Variants in RELN observed in about 807,000 individuals in gnomAD.
The protein encoded by RELN is reelin.
Under a neutral mutation model 427.6 loss-of-function variants are expected in RELN, and 108 were observed. That is an observed-to-expected ratio of 0.25 (90% CI 0.22 to 0.30). The LOEUF is 0.30. Among genes scored for constraint, RELN ranks in the 10% least tolerant of loss-of-function variants. RELN has a pLI of 1.00. For missense variants in RELN, 3,715 were observed against 4,302.8 expected (o/e 0.86, Z 3.82); for synonymous variants, 1,524 against 1,513.4 (o/e 1.01, Z -0.16).
chr7:103,584,646 A>G (rs939141186), intron 28 of RELN, among the ~76,000 whole-genome samples: 11 of 151,998 alleles, frequency 7.2e-5, no homozygotes, highest in African/African-American at 2.7e-4. Flanking sequence ...ACATCACTAG[A>G]TAGATCACTG....
At chr7:103,669,070 G>A (rs1243841168) in intron 11 of RELN, among the ~76,000 whole-genome samples, 1 of 152,084 alleles carries the variant, frequency 6.6e-6, no homozygotes, top group Non-Finnish European at 1.5e-5. Flanking sequence ...AACATTGTGT[G>A]AGATATGATT....
rs571153449 is a variant in RELN, at chr7:103,651,446, A to C, written c.1892+215T>G. Among the ~76,000 whole-genome samples the C allele has an allele frequency of 2.0e-5, 3 of 152,260 alleles. No homozygotes were observed. The East Asian group carries it at 5.8e-4, about 29-fold the overall frequency. Reference sequence around the variant, plus strand: ...GCAGTCCAAAATATAAGTCAAGTACATAAAGAATGAATGGCCTTACAAATG... The same window carrying C: ...GCAGTCCAAAATATAAGTCAAGTACCTAAAGAATGAATGGCCTTACAAATG... On this transcript the variant is annotated intron_variant, in intron 15 of 64. Transcript: ENST00000428762.
chr7:103,822,611 C>T lies in RELN; in HGVS notation c.473+10926G>A, dbSNP rs577777773. 9.9e-5 allele frequency among the ~76,000 whole-genome samples: 15 copies of T among 151,260 alleles called. 1 individual carries two copies. The highest frequency in any genetic ancestry group is 3.7e-4 in the African/African-American group (15 of 40,724). The stretch of plus-strand genomic sequence containing the variant: ...ATGTATTCATTCATCTATTCAACAA[C>T]CAATGTTTAAAGAATTACTTTGGCC... On this transcript the variant is annotated intron_variant, in intron 3 of 64. Transcript: ENST00000428762.
intron 16 of RELN, among the ~76,000 whole-genome samples, chr7:103,644,967 T>A (rs1832769418): frequency 6.6e-6 from 1 of 151,714 alleles, no homozygotes; most frequent in South Asian, 2.1e-4. Flanking sequence ...GAGATTGGGA[T>A]CCTATTTTTA....
chr7:103,872,045 T>TTTTTCC (rs1794354002), intron 2 of RELN, among the ~76,000 whole-genome samples: 1 of 40,770 alleles, frequency 2.5e-5, no homozygotes, highest in Non-Finnish European at 7.8e-5. Context: ...TCTTTTTTCT[T>TTTTTCC]TTTTTTCTTT....
chr7:103,609,388 T>C (rs1262469528), intron 22 of RELN, among the ~76,000 whole-genome samples: 2 of 152,192 alleles, frequency 1.3e-5, no homozygotes, highest in African/African-American at 2.4e-5. Context: ...GTATTTCCAT[T>C]GTTTGAAGTG....
chr7:103,570,126 A>G (rs1251154244), intron 31 of RELN, among the ~76,000 whole-genome samples: 2 of 152,220 alleles, frequency 1.3e-5, no homozygotes, highest in Non-Finnish European at 2.9e-5. Context: ...AGTTTATGAA[A>G]GTGTCTCAAG....
chr7:103,574,199 G>A lies in RELN; in HGVS notation c.4404C>T (p.Ala1468=). The change falls in exon 30 of 65, where the codon GCC becomes GCT. Residue 1468 remains alanine (A), a synonymous_variant. Coordinates refer to ENST00000428762, the MANE Select transcript of RELN (RefSeq NM_005045.4). ...GTGTTCCACAGCCAGTTCCAACCTG[G>A]GCACCTGTTATCTTGTACCACAGAG... ...LSPLWYKITG[A]QVGTGCGTLN... 6.2e-7 allele frequency: 1 copy of A among 1,614,088 alleles called. No homozygotes were observed. Among genetic ancestry groups the A allele is most frequent in the Non-Finnish European group, 8.5e-7 (1 of 1,179,996 alleles).
Position 103,651,695 on chromosome 7 carries a change from G to T in RELN, c.1858C>A (p.His620Asn), listed in dbSNP as rs1483467031. Residue 620 changes from histidine (H) to asparagine (N), a missense_variant, in exon 15 of 65, where the codon CAC becomes AAC. Coordinates refer to ENST00000428762, the MANE Select transcript of RELN (RefSeq NM_005045.4). The part of the protein sequence containing the change: ...PEICAGPHLP[H>N]STVYSSENYS... ...TTTTCAGAGGAGTAGACAGTGCTGT[G>T]GGGGAGGTGGGGTCCAGCACAGATC... The T allele has an allele frequency of 1.2e-6, 2 of 1,611,562 alleles. No individual in the cohort carries two copies. Among genetic ancestry groups the T allele is most frequent in the Non-Finnish European group, 1.7e-6 (2 of 1,178,376 alleles).
Position 103,944,989 on chromosome 7 carries a change from A to C in RELN, c.227-27804T>G, listed in dbSNP as rs959610035. 3.3e-5 allele frequency among the ~76,000 whole-genome samples: 5 copies of C among 152,156 alleles called. No individual in the cohort carries two copies. The East Asian group carries it at 9.6e-4, about 29-fold the overall frequency. On this transcript the variant is annotated intron_variant, in intron 1 of 64. Coordinates refer to ENST00000428762, the MANE Select transcript of RELN (RefSeq NM_005045.4). ...TCCCAGTCCCCAGGTATGTTATTAA[A>C]AAACAAACAAAAAAAACACCTACGG...
At chr7:103,876,997 C>T (rs1463256954) in intron 2 of RELN, among the ~76,000 whole-genome samples, 1 of 152,094 alleles carries the variant, frequency 6.6e-6, no homozygotes, top group Admixed American at 6.6e-5. Context: ...CTCACTCCCT[C>T]ACCCCTTCTG....
intron 3 of RELN, among the ~76,000 whole-genome samples, chr7:103,832,617 A>T (rs1274432827): frequency 1.3e-5 from 2 of 152,162 alleles, no homozygotes; most frequent in African/African-American, 4.8e-5. Flanking sequence ...AGGGTGAATG[A>T]GGGGTAGGGG....
intron 21 of RELN, 134 bp downstream of exon 21, chr7:103,611,477 G>A (rs1198514671): frequency 5.9e-6 from 4 of 676,468 alleles, no homozygotes; most frequent in Non-Finnish European, 1.0e-5. Context: ...TTAATTCTAA[G>A]TTACAAATAT....
chr7:103,989,388 CTA>C lies in RELN; in HGVS notation c.-34_-33del. The C allele has an allele frequency of 3.5e-6, 5 of 1,426,348 alleles. No individual in the cohort carries two copies. Among genetic ancestry groups the C allele is most frequent in the East Asian group, 3.0e-5 (1 of 33,592 alleles). 88.4% of individuals were successfully genotyped at this position (1,426,348 alleles called of 1,614,324 possible). A position where few individuals can be genotyped will look rare whatever the true frequency, so the allele number is the denominator to read the frequency against. ...GCCGCCGCCGCCGCCGCCGCGCGCC[CTA>C]CGCGCCGCTCGCTCATTCAGTTTTG... is the stretch of plus-strand genomic sequence containing the variant. On this transcript the variant is annotated 5_prime_UTR_variant, in exon 1 of 65. Transcript: ENST00000428762. This position sits in a 1 kb window ranked among gnomAD's most constrained non-coding sequence, Gnocchi z 4.9.
At chr7:103,876,505 T>A (rs200780269) in intron 2 of RELN, among the ~76,000 whole-genome samples, 1 of 152,166 alleles carries the variant, frequency 6.6e-6, no homozygotes, top group South Asian at 2.1e-4. Flanking sequence ...CTATCAAATA[T>A]GTTATTACTA....
At chr7:103,611,250 T>G (rs1267109090) in intron 21 of RELN, among the ~76,000 whole-genome samples, 1 of 152,172 alleles carries the variant, frequency 6.6e-6, no homozygotes, top group African/African-American at 2.4e-5. Context: ...TACCACATTC[T>G]TAATATGGTC....
chr7:103,982,573 G>C (rs550999489), intron 1 of RELN, among the ~76,000 whole-genome samples: 1 of 152,046 alleles, frequency 6.6e-6, no homozygotes, highest in Non-Finnish European at 1.5e-5. Flanking sequence ...AAGAGGAGAG[G>C]GAAAGCAAGG....
chr7:103,687,915 T>C (rs1265220044), intron 10 of RELN, among the ~76,000 whole-genome samples: 1 of 152,180 alleles, frequency 6.6e-6, no homozygotes, highest in Non-Finnish European at 1.5e-5. Flanking sequence ...GTTTCACTAA[T>C]GTTATTCCAC....
intron 27 of RELN, among the ~76,000 whole-genome samples, chr7:103,592,749 G>T (rs1176074417): frequency 6.6e-6 from 1 of 152,154 alleles, no homozygotes; most frequent in Non-Finnish European, 1.5e-5. Flanking sequence ...TGTCAGATGA[G>T]AAACAGCATA....
Sources: allele counts gnomAD v4.1 joint callset (sites outside exome capture counted in the v4.1 genomes callset), GRCh38; gene constraint gnomAD v4.1.1; non-coding constraint Gnocchi (gnomAD v3.1); transcripts MANE v1.5; gene names NCBI Gene and HGNC (gene_info 2026-07-23, HGNC 2026-07-21).